Variants in PFAS observed in about 807,000 individuals in gnomAD.
PFAS encodes the protein FGAM synthase.
A neutral mutation model predicts 140.6 loss-of-function variants in PFAS; 97 were observed. The ratio of observed to expected loss-of-function variants is 0.69; its 90% CI spans 0.59 to 0.82. The LOEUF is 0.82. Ranked by LOEUF, PFAS falls within the 40% of genes least tolerant of loss-of-function variation. The pLI is 0.00. For missense variants in PFAS, 1,656 were observed against 1,780.2 expected (o/e 0.93, Z 1.26); for synonymous variants, 679 against 718.8 (o/e 0.94, Z 0.88).
rs552169897 is a variant in PFAS at position 8,268,779 on chromosome 17, G to C, written c.3629G>C (p.Arg1210Pro). 3 of 1,609,866 alleles carry C rather than the reference G, an allele frequency of 1.9e-6. No homozygotes were observed. The highest frequency in any genetic ancestry group is 2.2e-5 in the East Asian group (1 of 44,882). The change falls in exon 27 of 28, where the codon CGT becomes CCT. Residue 1210 changes from arginine (R) to proline (P), a missense_variant. Transcript: ENST00000314666. ...GRYESRWASV[R>P]VGPGPALMLR... ...TACGAGTCTCGCTGGGCCAGCGTGC[G>C]TGTGGGGCCTGGGCCAGCCCTGATG...
In PFAS at chr17:8,256,630, A is replaced by T. The variant is rs1989378268; in HGVS notation, c.928A>T (p.Thr310Ser). 1 of 1,613,974 alleles carries T rather than the reference A, an allele frequency of 6.2e-7. No homozygotes were observed. Among genetic ancestry groups the T allele is most frequent in the Non-Finnish European group, 8.5e-7 (1 of 1,180,026 alleles). Residue 310 changes from threonine (T) to serine (S), a missense_variant, in exon 8 of 28, where the codon ACT becomes TCT. Around this residue, in one of 2 missense-constraint regions of PFAS, gnomAD observed 773 missense variants for 757.3 expected, o/e 1.02. Transcript: ENST00000314666. Reference protein sequence around the residue: ...GLRHVVFTAETHNFPTGVCPF... With the variant: ...GLRHVVFTAESHNFPTGVCPF... ...GAGACATGTTGTCTTCACAGCAGAGACTCACAACTTTCCCACAGGTGAGCT... is the reference window on the plus strand; with the variant it reads ...GAGACATGTTGTCTTCACAGCAGAGTCTCACAACTTTCCCACAGGTGAGCT...
intron 9 of PFAS, among the ~76,000 whole-genome samples, chr17:8,257,298 T>G (rs1989408278): frequency 6.6e-6 from 1 of 152,212 alleles, no homozygotes; most frequent in Admixed American, 6.5e-5. Flanking sequence ...GGCTCACGCC[T>G]GTAATCCCAG....
rs751565417 is a variant in PFAS at position 8,256,539 on chromosome 17, G to A, written c.837G>A (p.Lys279=). 4 of 1,614,200 alleles carry A rather than the reference G, an allele frequency of 2.5e-6. No individual in the cohort carries two copies. Among genetic ancestry groups the A allele is most frequent in the South Asian group, 1.1e-5 (1 of 91,084 alleles). The change falls in exon 8 of 28, where the codon AAG becomes AAA. Residue 279 remains lysine (K), a synonymous_variant. Transcript: ENST00000314666. ...FCDNSSAIQG[K]EVRFLRPEDP... is the part of the protein sequence containing the mutation. ...ATGTCCACAGTGCAATCCAGGGAAA[G>A]GAAGTCCGATTCCTACGGCCTGAGG...
At position 8,263,778 on chromosome 17, in the gene PFAS, G is replaced by A. The variant is rs1285443483; in HGVS notation, c.1633G>A (p.Gly545Arg). 19 of 1,613,086 alleles carry A rather than the reference G, an allele frequency of 1.2e-5. No individual in the cohort carries two copies. Among genetic ancestry groups the A allele is most frequent in the Non-Finnish European group, 1.6e-5 (19 of 1,179,412 alleles). Residue 545 changes from glycine (G) to arginine (R), a missense_variant, in exon 15 of 28, where the codon GGG becomes AGG. Around this residue, in one of 2 missense-constraint regions of PFAS, gnomAD observed 773 missense variants for 757.3 expected, o/e 1.02. Coordinates refer to ENST00000314666, the MANE Select transcript of PFAS (RefSeq NM_012393.3). ...AIIYTSRFQLGDPTLNALEIW... is the reference protein window; with the variant it reads ...AIIYTSRFQLRDPTLNALEIW... The stretch of plus-strand genomic sequence containing the variant: ...CCTCCCCGCCGTGGCTGTGCAGCTT[G>A]GGGACCCAACCCTGAATGCCCTGGA...
chr17:8,266,476 C>G lies in PFAS; in HGVS notation c.2821+123C>G. ...CTTTCCCTGAGTCTTCCCTGACTAGCTTTTCTGTGCTGTCTCTCTGACAGC... is the reference window on the plus strand; with the variant it reads ...CTTTCCCTGAGTCTTCCCTGACTAGGTTTTCTGTGCTGTCTCTCTGACAGC... On this transcript the variant is annotated intron_variant, in intron 22 of 27. Transcript: ENST00000314666. This position sits in a 1 kb window ranked among gnomAD's most constrained non-coding sequence, Gnocchi z 5.0. 1 of 1,506,902 alleles carries G rather than the reference C, an allele frequency of 6.6e-7. No homozygotes were observed. Among genetic ancestry groups the G allele is most frequent in the South Asian group, 1.3e-5 (1 of 74,828 alleles). 93.3% of individuals were successfully genotyped at this position (1,506,902 alleles called of 1,614,324 possible). A position where few individuals can be genotyped will look rare whatever the true frequency, so the allele number is the denominator to read the frequency against.
intron 10 of PFAS, 56 bp from the exon 11 acceptor site, chr17:8,258,015 A>G (rs1597420279): frequency 6.2e-7 from 1 of 1,612,862 alleles, no homozygotes; most frequent in Non-Finnish European, 8.5e-7. Flanking sequence ...GGGCTGTGCT[A>G]TTGGGCGAGC....
intron 18 of PFAS, 37 bp from the exon 19 acceptor site, chr17:8,265,251 C>G (rs1342349752): frequency 7.5e-6 from 12 of 1,598,668 alleles, no homozygotes; most frequent in East Asian, 6.7e-5. Flanking sequence ...CTCCACATTT[C>G]TCTTCCCCTC....
chr17:8,263,260 G>A lies in PFAS; in HGVS notation c.1562G>A (p.Gly521Asp). The part of the protein sequence containing the change: ...ICSLHDQGAG[G>D]NGNVLKELSD... The stretch of plus-strand genomic sequence containing the variant: ...AGCCTTCATGATCAGGGCGCTGGTG[G>A]CAATGGTGAGGAAAGGAGTTGGAAC... The change falls in exon 13 of 28, where the codon GGC (glycine) becomes GAC (aspartate). Residue 521 changes from glycine to aspartate, a missense_variant. By Grantham distance (94) the Gly-to-Asp change is moderately conservative (BLOSUM62 -1). Transcript: ENST00000314666. The A allele has an allele frequency of 6.2e-7, 1 of 1,614,126 alleles. No individual in the cohort carries two copies. Among genetic ancestry groups the A allele is most frequent in the Non-Finnish European group, 8.5e-7 (1 of 1,180,014 alleles).
intron 10 of PFAS, 59 bp downstream of exon 10, chr17:8,257,997 C>T (rs1030203757): frequency 1.1e-5 from 17 of 1,611,262 alleles, no homozygotes; most frequent in Admixed American, 3.3e-5. Flanking sequence ...GTGGGGTGTG[C>T]GACCCAGGGG....
rs770060175 is a variant in PFAS at position 8,258,204 on chromosome 17, G to C, written c.1336+5G>C. On this transcript the variant is annotated splice_donor_5th_base_variant and intron_variant, in intron 11 of 27. Transcript: ENST00000314666. ...GCAAGGAGGCCCCAGAGCCAGGTAA[G>C]AGCCTGCCACCTTTCTCTGGATCCA... 1.2e-6 allele frequency: 2 copies of C among 1,613,796 alleles called. No homozygotes were observed. Among genetic ancestry groups the C allele is most frequent in the Admixed American group, 3.3e-5 (2 of 60,020 alleles).
intron 17 of PFAS, 132 bp downstream of exon 17, chr17:8,264,733 C>G (rs991100171): frequency 5.7e-5 from 62 of 1,081,158 alleles, no homozygotes; most frequent in Non-Finnish European, 7.2e-5. Flanking sequence ...GGGCAGCCAC[C>G]CTGATGGCCT....
intron 4 of PFAS, 127 bp from the exon 5 acceptor site, chr17:8,255,375 C>A (rs7503264): frequency 1.3e-6 from 1 of 753,748 alleles, no homozygotes; most frequent in Non-Finnish European, 2.2e-6. Context: ...TTTTTGTAAT[C>A]TGAGAAAAAG....
intron 4 of PFAS, 136 bp downstream of exon 4, chr17:8,255,268 G>A (rs1567636012): frequency 1.4e-6 from 1 of 697,300 alleles, no homozygotes; most frequent in East Asian, 2.8e-5. Flanking sequence ...TTCACTGCCT[G>A]AAAGTACCTG....
chr17:8,256,711 G>C, intron 8 of PFAS, 63 bp downstream of exon 8: 1 of 1,578,586 alleles, frequency 6.3e-7, no homozygotes, highest in Middle Eastern at 1.7e-4. Flanking sequence ...AAGGTCCCAG[G>C]CCCCTGGAGT....
At position 8,255,110 on chromosome 17, in the gene PFAS, C is replaced by A. The variant is rs758505474; in HGVS notation, c.362C>A (p.Thr121Asn). The A allele has an allele frequency of 1.2e-5, 19 of 1,612,472 alleles. No homozygotes were observed. In the Admixed American group the frequency reaches 3.2e-4, roughly 27 times the overall value. Reference sequence around the variant, plus strand: ...CTGGGGCCTGTGGATCGTGTGGAGACCACCCGGCGCTACCGGCTCTCGGTG... The same window carrying A: ...CTGGGGCCTGTGGATCGTGTGGAGAACACCCGGCGCTACCGGCTCTCGGTG... ...TGLGPVDRVE[T>N]TRRYRLSFAH... is the part of the protein sequence containing the mutation. Residue 121 changes from threonine (T) to asparagine (N), a missense_variant, in exon 4 of 28, where the codon ACC becomes AAC. Thr to Asn is a moderately conservative substitution (Grantham distance 65). Transcript: ENST00000314666.
rs1989325810 is a variant in PFAS at position 8,255,553 on chromosome 17, C to T, written c.436C>T (p.His146Tyr). Reference sequence around the variant, plus strand: ...GGAAGCCATTGCTCTGGCTACCCTGCACGACCGGATGACAGAGCAGCACTT... The same window carrying T: ...GGAAGCCATTGCTCTGGCTACCCTGTACGACCGGATGACAGAGCAGCACTT... ...EVEAIALATL[H>Y]DRMTEQHFPH... The change falls in exon 5 of 28, where the codon CAC (histidine) becomes TAC (tyrosine). Residue 146 changes from histidine to tyrosine, a missense_variant. This residue lies in a region of PFAS where 773 missense variants were observed against 757.3 expected (regional missense o/e 1.02). Coordinates refer to ENST00000314666, the MANE Select transcript of PFAS (RefSeq NM_012393.3). 5.2e-6 allele frequency: 8 copies of T among 1,543,330 alleles called. No individual in the cohort carries two copies. Among genetic ancestry groups the T allele is most frequent in the Non-Finnish European group, 6.1e-6 (7 of 1,151,262 alleles).
Position 8,265,394 on chromosome 17 carries a change from G to A in PFAS, c.2387G>A (p.Gly796Asp), listed in dbSNP as rs1228542293. Residue 796 changes from glycine (G) to aspartate (D), a missense_variant, in exon 19 of 28, where the codon GGT (glycine) becomes GAT (aspartate). Physicochemically the swap from Gly to Asp is moderately conservative, Grantham distance 94. This residue lies in a region of PFAS where 883 missense variants were observed against 1,023.0 expected (regional missense o/e 0.86). Coordinates refer to ENST00000314666, the MANE Select transcript of PFAS (RefSeq NM_012393.3). The stretch of plus-strand genomic sequence containing the variant: ...ATGGTGGCAGTGATGGCAGCCCTGG[G>A]TGTGGCAGTGGATGGTGGCAAGGAC... ...EAMVAVMAALGVAVDGGKDSL... is the reference protein window; with the variant it reads ...EAMVAVMAALDVAVDGGKDSL... 1.9e-6 allele frequency: 3 copies of A among 1,614,222 alleles called. No homozygotes were observed. Among genetic ancestry groups the A allele is most frequent in the East Asian group, 2.2e-5 (1 of 44,884 alleles).
At chr17:8,248,334 A>T (rs1275421939), upstream of PFAS, among the ~76,000 whole-genome samples, 1 of 138,350 alleles carries the variant, frequency 7.2e-6, no homozygotes, top group Non-Finnish European at 1.6e-5. Context: ...CCCGCCTCCC[A>T]GGTTCAAGGG....
chr17:8,265,465 C>T lies in PFAS; in HGVS notation c.2458C>T (p.Pro820Ser), dbSNP rs1567644486. 9.3e-6 allele frequency: 15 copies of T among 1,613,482 alleles called. No homozygotes were observed. The highest frequency in any genetic ancestry group is 1.3e-5 in the Non-Finnish European group (15 of 1,179,638). ...GGTTGGCACTGAGACCGTGCGGGCT[C>T]CTGGTGAGGTGTGGGAGCCCCAGGG... ...ARVGTETVRA[P>S]GSLVISAYAV... The change falls in exon 19 of 28, where the codon CCT becomes TCT. Residue 820 changes from proline (P) to serine (S), a missense_variant. By Grantham distance (74) the Pro-to-Ser change is moderately conservative. This residue lies in a region of PFAS where 883 missense variants were observed against 1,023.0 expected (regional missense o/e 0.86). Transcript: ENST00000314666.
Sources: gnomAD v4.1 joint callset for allele counts (sites outside exome capture counted in the v4.1 genomes callset) on GRCh38, gnomAD v4.1.1 for gene constraint, gnomAD v4.1.1 regional missense constraint, Gnocchi (gnomAD v3.1) non-coding constraint, MANE v1.5 for transcripts, NCBI Gene and HGNC (gene_info 2026-07-23, HGNC 2026-07-21) for gene names.